NCOA7: variants seen among roughly 807,000 people sequenced by gnomAD.
NCOA7 encodes the protein nuclear receptor coactivator 7.
In NCOA7, 45 loss-of-function variants were observed where a neutral mutation model predicts 104.3. That is an observed-to-expected ratio of 0.43 (90% CI 0.34 to 0.55). The LOEUF is 0.55. NCOA7 is among the 20% of genes least tolerant of loss of function. NCOA7 has a pLI of 0.02. For missense variants in NCOA7, 1,041 were observed against 1,119.7 expected, an observed-to-expected ratio of 0.93 and a Z score of 1.00; for synonymous variants, 398 against 402.3, an observed-to-expected ratio of 0.99 and a Z score of 0.13.
rs1357162720 is a variant in NCOA7, at chr6:125,885,232, T to C, written c.773T>C (p.Val258Ala). 1 of 1,614,032 alleles carries C rather than the reference T, an allele frequency of 6.2e-7. No homozygotes were observed. The highest frequency in any genetic ancestry group is 2.2e-5 in the East Asian group (1 of 44,870). ...MFDPHKSDPL[V>A]IENGCEEYGL... ...GACCCTCATAAATCTGATCCTCTGGTTATTGAAAATGGGTGTGAGGAGTAT... is the reference window on the plus strand; with the variant it reads ...GACCCTCATAAATCTGATCCTCTGGCTATTGAAAATGGGTGTGAGGAGTAT... The change falls in exon 8 of 16, where the codon GTT (valine) becomes GCT (alanine). Residue 258 changes from valine (V) to alanine (A), a missense_variant. Physicochemically the swap from Val to Ala is moderately conservative, Grantham distance 64. Coordinates refer to ENST00000392477, the MANE Select transcript of NCOA7 (RefSeq NM_181782.5).
chr6:125,858,602 A>C (rs1781788292), intron 3 of NCOA7, among the ~76,000 whole-genome samples: 1 of 151,602 alleles, frequency 6.6e-6, no homozygotes, highest in Admixed American at 6.6e-5. Context: ...CTCCAGACTG[A>C]GTGACAGAGC....
chr6:125,818,050 C>T (rs1316204616), intron 2 of NCOA7, among the ~76,000 whole-genome samples: 2 of 151,712 alleles, frequency 1.3e-5, no homozygotes, highest in South Asian at 2.1e-4. Context: ...CTTCTTCCTC[C>T]TCCCCCTTCC....
intron 1 of NCOA7, among the ~76,000 whole-genome samples, chr6:125,785,282 G>C (rs1262418949): frequency 6.6e-6 from 1 of 152,146 alleles, no homozygotes; most frequent in Non-Finnish European, 1.5e-5. Context: ...CGGTTGCAGT[G>C]AGCTAACACG....
chr6:125,881,860 T>G (rs1392334008), intron 6 of NCOA7, among the ~76,000 whole-genome samples: 2 of 152,024 alleles, frequency 1.3e-5, no homozygotes, highest in African/African-American at 4.8e-5. Context: ...TGTTGTTGTT[T>G]GTGTGTGTGA....
chr6:125,820,675 C>G (rs1202045383), intron 2 of NCOA7, among the ~76,000 whole-genome samples: 1 of 152,038 alleles, frequency 6.6e-6, no homozygotes, highest in Non-Finnish European at 1.5e-5. Flanking sequence ...AATAACAAAT[C>G]ATTCCTGATC....
chr6:125,851,098 A>AT (rs934340825), intron 2 of NCOA7, among the ~76,000 whole-genome samples: 7 of 152,046 alleles, frequency 4.6e-5, no homozygotes, highest in African/African-American at 7.2e-5. Flanking sequence ...ATTTTTGGTT[A>AT]TTTTTTTATT....
rs1366986518 is a variant in NCOA7, at chr6:125,782,955, C to CG, written c.-142+1590dup. On this transcript the variant is annotated intron_variant, in intron 1 of 16. Transcript: ENST00000368357. Reference sequence around the variant, plus strand: ...CAAGCGTTCTTATGAGTGAAAGAGGCGGGGGGCAGAGGAGTCAGGTCAGAG... The same window carrying CG: ...CAAGCGTTCTTATGAGTGAAAGAGGCGGGGGGGCAGAGGAGTCAGGTCAGAG... Among the ~76,000 whole-genome samples the CG allele has an allele frequency of 2.0e-5, 3 of 152,160 alleles. No homozygotes were observed. The East Asian group carries it at 5.8e-4, about 29-fold the overall frequency.
At chr6:125,899,899 C>T (rs1785347506) in intron 10 of NCOA7, 1 of 499,396 alleles carries the variant, frequency 2.0e-6, no homozygotes, top group African/African-American at 1.9e-5. Context: ...TGTAAGTGAG[C>T]TCTTCACAGT....
At chr6:125,909,219 G>A (rs1323569093) in intron 10 of NCOA7, among the ~76,000 whole-genome samples, 1 of 152,208 alleles carries the variant, frequency 6.6e-6, no homozygotes, top group Non-Finnish European at 1.5e-5. Flanking sequence ...AACGCTGATT[G>A]CCACCTCAGG....
At chr6:125,888,742 G>C (rs1274854354) in intron 8 of NCOA7, among the ~76,000 whole-genome samples, 197 bp from the exon 9 acceptor site, 1 of 151,828 alleles carries the variant, frequency 6.6e-6, no homozygotes, top group Non-Finnish European at 1.5e-5. Context: ...TCCTTTAGTT[G>C]ACCTATGTTT....
chr6:125,919,912 T>A (rs1264444493), intron 11 of NCOA7, among the ~76,000 whole-genome samples: 2 of 152,232 alleles, frequency 1.3e-5, no homozygotes, highest in African/African-American at 4.8e-5. Context: ...TAAATGTTTT[T>A]CTCTATAATA....
At chr6:125,875,345 A>C (rs1783273153) in intron 4 of NCOA7, 1 of 170,752 alleles carries the variant, frequency 5.9e-6, no homozygotes. Flanking sequence ...TTCTTGGGTC[A>C]CGGGTATTCT....
At chr6:125,844,721 T>A (rs1051353333) in intron 2 of NCOA7, among the ~76,000 whole-genome samples, 2 of 152,208 alleles carry the variant, frequency 1.3e-5, no homozygotes, top group Admixed American at 6.6e-5. Context: ...AATATTTATG[T>A]AGAGTGAGAA....
intron 11 of NCOA7, among the ~76,000 whole-genome samples, chr6:125,915,767 AG>A (rs1362863215): frequency 1.3e-5 from 2 of 151,954 alleles, no homozygotes; most frequent in African/African-American, 4.8e-5. Context: ...TTTTTTGTAA[AG>A]GGCAAGATAA....
At chr6:125,901,598 C>T (rs895780999) in intron 10 of NCOA7, among the ~76,000 whole-genome samples, 2 of 152,172 alleles carry the variant, frequency 1.3e-5, no homozygotes, top group Non-Finnish European at 2.9e-5. Context: ...CCCATAGTAG[C>T]GTCTAGGGGT....
In NCOA7 at chr6:125,806,270, G is replaced by C. The variant is rs189280757; in HGVS notation, c.-64-9021G>C. Among the ~76,000 whole-genome samples, 524 of 152,192 alleles carry C rather than the reference G, an allele frequency of 3.4e-3. 2 individuals carry two copies. Among genetic ancestry groups the C allele is most frequent in the Non-Finnish European group, 4.8e-3 (324 of 68,002 alleles). ...GCAGGAGAATCACTTGAACCCAGGA[G>C]GGGGGGATTACCGTGAGCCGAGATC... On this transcript the variant is annotated intron_variant, in intron 1 of 15. Coordinates refer to ENST00000392477, the MANE Select transcript of NCOA7 (RefSeq NM_181782.5).
chr6:125,897,501 A>C (rs1480019872), intron 10 of NCOA7, among the ~76,000 whole-genome samples: 1 of 152,082 alleles, frequency 6.6e-6, no homozygotes, highest in African/African-American at 2.4e-5. Flanking sequence ...TCTATTCTCT[A>C]TTATTTTTCC....
At chr6:125,835,142 G>A (rs1294369079) in intron 2 of NCOA7, among the ~76,000 whole-genome samples, 1 of 152,140 alleles carries the variant, frequency 6.6e-6, no homozygotes, top group Non-Finnish European at 1.5e-5. Flanking sequence ...AATTTCCTGA[G>A]TTCCCCAATA....
At chr6:125,820,995 A>G (rs1388944743) in intron 2 of NCOA7, among the ~76,000 whole-genome samples, 2 of 152,064 alleles carry the variant, frequency 1.3e-5, no homozygotes, top group Admixed American at 1.3e-4. Flanking sequence ...GTACTTTTAG[A>G]TATATTAATT....
Sources: gnomAD v4.1 joint callset for allele counts (sites outside exome capture counted in the v4.1 genomes callset) on GRCh38, gnomAD v4.1.1 for gene constraint, MANE v1.5 for transcripts, NCBI Gene and HGNC (gene_info 2026-07-23, HGNC 2026-07-21) for gene names.